The following TACC2 variants were observed in gnomAD, a reference collection of about 807,000 sequenced individuals.
The protein encoded by TACC2 is transforming acidic coiled-coil-containing protein 2.
A neutral mutation model predicts 227.3 loss-of-function variants in TACC2; 137 were observed. The ratio of observed to expected loss-of-function variants is 0.60; its 90% confidence interval spans 0.52 to 0.69. The LOEUF is 0.69. Among genes scored for constraint, TACC2 ranks in the 30% least tolerant of loss-of-function variants. The pLI is 0.00. For synonymous variants in TACC2, 1,523 were observed against 1,487.5 expected (o/e 1.02, Z -0.55); for missense variants, 3,470 against 3,694.4 (o/e 0.94, Z 1.57).
intron 7 of TACC2, among the ~76,000 whole-genome samples, chr10:122,184,909 G>A (rs1201352410): frequency 6.6e-6 from 1 of 152,096 alleles, no homozygotes; most frequent in South Asian, 2.1e-4. Flanking sequence ...TAGCGATGGG[G>A]GGTCTGTCCC....
intron 5 of TACC2, among the ~76,000 whole-genome samples, chr10:122,094,010 G>A (rs2081109278): frequency 6.6e-6 from 1 of 152,110 alleles, no homozygotes; most frequent in African/African-American, 2.4e-5. Flanking sequence ...CTGTCAAGCT[G>A]GGGGCTCCAC....
intron 7 of TACC2, among the ~76,000 whole-genome samples, chr10:122,177,492 C>T (rs1452383645): frequency 1.3e-5 from 2 of 151,996 alleles, no homozygotes; most frequent in Non-Finnish European, 2.9e-5. Context: ...TCACTTGAGC[C>T]CAGGAGTTCA....
At chr10:122,097,829 C>T (rs574193409) in intron 5 of TACC2, among the ~76,000 whole-genome samples, 2 of 152,200 alleles carry the variant, frequency 1.3e-5, no homozygotes, top group East Asian at 1.9e-4. Flanking sequence ...GTGGAGACTT[C>T]GTGGACAAGG....
rs1271819526 is a variant in TACC2 at position 122,036,440 on chromosome 10, A to G, written c.34-13998A>G. Among the ~76,000 whole-genome samples the G allele has an allele frequency of 3.4e-5, 5 of 147,024 alleles. No individual in the cohort carries two copies. In the South Asian group the frequency reaches 8.7e-4, roughly 25 times the overall value. Reference sequence around the variant, plus strand: ...GATCTCCTGACCTCGTGATCCGCCCACCTTGGCCTCGCAAAGTGCTGGGAT... The same window carrying G: ...GATCTCCTGACCTCGTGATCCGCCCGCCTTGGCCTCGCAAAGTGCTGGGAT... On this transcript the variant is annotated intron_variant, in intron 2 of 22. Transcript: ENST00000369005.
chr10:122,251,379 C>CGTTCTGA (rs2096252082), intron 22 of TACC2, among the ~76,000 whole-genome samples: 1 of 152,142 alleles, frequency 6.6e-6, no homozygotes, highest in African/African-American at 2.4e-5. Context: ...ACGACATATG[C>CGTTCTGA]GGTCACAACT....
rs762287107 is a variant in TACC2 at position 122,084,580 on chromosome 10, C to A, written c.2080C>A (p.Gln694Lys). ...AGCCATCTGGGAGGGGTCAGGATTG[C>A]AGCCCAAATGTCCTGACACCCTTCA... ...EGAIWEGSGL[Q>K]PKCPDTLQSR... The change falls in exon 4 of 23, where the codon CAG (glutamine) becomes AAG (lysine). Residue 694 changes from glutamine (Q) to lysine (K), a missense_variant. Physicochemically the swap from Gln to Lys is moderately conservative, Grantham distance 53 (BLOSUM62 1). This residue lies in a region of TACC2 where 1,924 missense variants were observed against 1,978.3 expected (regional missense o/e 0.97). Coordinates refer to ENST00000369005, the MANE Select transcript of TACC2 (RefSeq NM_206862.4). 1.3e-5 allele frequency: 21 copies of A among 1,613,706 alleles called. No homozygotes were observed. The African/African-American group carries it at 2.3e-4, about 17-fold the overall frequency.
At chr10:122,248,973 G>C (rs1006783600) in intron 20 of TACC2, 77 bp from the exon 21 acceptor site, 1 of 1,505,926 alleles carries the variant, frequency 6.6e-7, no homozygotes. Flanking sequence ...CTGCATCCGA[G>C]AGTTCCTGGG....
intron 6 of TACC2, among the ~76,000 whole-genome samples, chr10:122,133,005 CT>C (rs755080612): frequency 6.6e-6 from 1 of 152,128 alleles, no homozygotes; most frequent in Non-Finnish European, 1.5e-5. Context: ...ATTTTACAGA[CT>C]TTTTTCCTAT....
At chr10:122,059,391 G>A (rs932738217) in intron 3 of TACC2, among the ~76,000 whole-genome samples, 2 of 151,970 alleles carry the variant, frequency 1.3e-5, no homozygotes, top group Non-Finnish European at 2.9e-5. Context: ...GATTTGGGAT[G>A]AGACCCCTAA....
chr10:122,167,250 A>G (rs1198185635), intron 7 of TACC2, among the ~76,000 whole-genome samples: 1 of 152,230 alleles, frequency 6.6e-6, no homozygotes, highest in Admixed American at 6.5e-5. Context: ...ATGGAAACCC[A>G]TACTCTGTAG....
At chr10:122,159,265 G>A (rs1424995359) in intron 7 of TACC2, among the ~76,000 whole-genome samples, 3 of 152,218 alleles carry the variant, frequency 2.0e-5, no homozygotes, top group African/African-American at 4.8e-5. Context: ...GGCAGTGGAC[G>A]ACTTTTGGAA....
At position 122,079,622 on chromosome 10, in the gene TACC2, G is replaced by A. The variant is rs777554729; in HGVS notation, c.147-3025G>A. Among the ~76,000 whole-genome samples the A allele has an allele frequency of 1.8e-4, 27 of 152,354 alleles. No homozygotes were observed. The South Asian group carries it at 2.5e-3, about 14-fold the overall frequency. On this transcript the variant is annotated intron_variant, in intron 3 of 22. Transcript: ENST00000369005. ...TCCTTCAGGGATGTCAAATGACGCCGCGTGTACTTCAGAGGTGAGGAGCAG... is the reference window on the plus strand; with the variant it reads ...TCCTTCAGGGATGTCAAATGACGCCACGTGTACTTCAGAGGTGAGGAGCAG...
intron 2 of TACC2, among the ~76,000 whole-genome samples, chr10:122,028,788 C>CTCCCT (rs1958450319): frequency 1.5e-5 from 1 of 67,696 alleles, no homozygotes; most frequent in Non-Finnish European, 2.9e-5. Context: ...CTCCGCTCCC[C>CTCCCT]TCCCCTCCCC....
Position 122,249,168 on chromosome 10 carries a change from C to T in TACC2, c.8660+12C>T. On this transcript the variant is annotated intron_variant, in intron 21 of 22. Transcript: ENST00000369005. ...GAGAAACTGGACAGGTAACATTTAGCCACTGGGGGTGGCTCCCAGGGGCCT... is the reference window on the plus strand; with the variant it reads ...GAGAAACTGGACAGGTAACATTTAGTCACTGGGGGTGGCTCCCAGGGGCCT... 6.3e-7 allele frequency: 1 copy of T among 1,597,770 alleles called. No individual in the cohort carries two copies. The highest frequency in any genetic ancestry group is 8.5e-7 in the Non-Finnish European group (1 of 1,171,480).
At chr10:122,147,960 G>A (rs2091593852) in intron 7 of TACC2, among the ~76,000 whole-genome samples, 1 of 152,216 alleles carries the variant, frequency 6.6e-6, no homozygotes, top group African/African-American at 2.4e-5. Context: ...CCATGGCCTG[G>A]ATCCAGGGAT....
intron 16 of TACC2, among the ~76,000 whole-genome samples, chr10:122,235,256 T>G (rs2095836250): frequency 6.6e-6 from 1 of 152,096 alleles, no homozygotes; most frequent in Non-Finnish European, 1.5e-5. Flanking sequence ...CCTGGCTAGT[T>G]TTTGTATTTT....
chr10:122,213,317 C>G lies in TACC2; in HGVS notation c.7283+1609C>G, dbSNP rs1236312079. The G allele has an allele frequency of 2.5e-6, 4 of 1,609,572 alleles. No homozygotes were observed. In the Admixed American group the frequency reaches 5.0e-5, roughly 20 times the overall value. ...TTGTCAGTTCCTTCTGTCTGTCTCTCTTTTTCTTTGTCTTCTTGTCTTAGG... is the reference window on the plus strand; with the variant it reads ...TTGTCAGTTCCTTCTGTCTGTCTCTGTTTTTCTTTGTCTTCTTGTCTTAGG... On this transcript the variant is annotated intron_variant, in intron 9 of 22. Coordinates refer to ENST00000369005, the MANE Select transcript of TACC2 (RefSeq NM_206862.4).
chr10:122,190,168 G>C (rs1229862663), intron 7 of TACC2, among the ~76,000 whole-genome samples: 1 of 152,220 alleles, frequency 6.6e-6, no homozygotes, highest in African/African-American at 2.4e-5. Flanking sequence ...ATGTATGTGT[G>C]TGGATGCTGA....
At chr10:122,163,699 A>G in intron 7 of TACC2, 1 of 1,108,636 alleles carries the variant, frequency 9.0e-7, no homozygotes, top group Non-Finnish European at 1.1e-6. Context: ...CGCGCCGGCC[A>G]CACTCGCGCG....
Sources: allele counts gnomAD v4.1 joint callset (sites outside exome capture counted in the v4.1 genomes callset), GRCh38; gene constraint gnomAD v4.1.1; regional missense constraint gnomAD v4.1.1; transcripts MANE v1.5; gene names NCBI Gene and HGNC (gene_info 2026-07-23, HGNC 2026-07-21).